The following PTPRR variants were observed in gnomAD, a reference collection of about 807,000 sequenced individuals.
PTPRR encodes protein tyrosine phosphatase receptor type R, also known as receptor-type tyrosine-protein phosphatase R.
A neutral mutation model predicts 77.2 loss-of-function variants in PTPRR; 38 were observed. The observed-to-expected ratio is 0.49, with a 90% CI of 0.38 to 0.65. The LOEUF is 0.65. Among genes scored for constraint, PTPRR ranks in the 30% least tolerant of loss-of-function variants. The probability of loss-of-function intolerance (pLI) is 0.00; values close to 1 mark genes in which losing one functional copy is unlikely to be tolerated. For missense variants in PTPRR, 744 were observed against 799.2 expected (o/e 0.93, Z 0.83); for synonymous variants, 299 against 283.1 (o/e 1.06, Z -0.57).
intron 1 of PTPRR, among the ~76,000 whole-genome samples, chr12:70,895,024 T>C (rs1168427750): frequency 2.0e-5 from 3 of 151,702 alleles, no homozygotes; most frequent in Non-Finnish European, 3.0e-5. Context: ...CATACTATTA[T>C]ATCGTGGAAT....
At chr12:70,722,836 A>G (rs1889307211) in intron 6 of PTPRR, among the ~76,000 whole-genome samples, 1 of 152,298 alleles carries the variant, frequency 6.6e-6, no homozygotes, top group African/African-American at 2.4e-5. Flanking sequence ...CGCCGTCATA[A>G]AGAAGGTGAG....
chr12:70,790,060 C>G (rs1445535672), intron 2 of PTPRR, among the ~76,000 whole-genome samples: 1 of 152,078 alleles, frequency 6.6e-6, no homozygotes, highest in South Asian at 2.1e-4. Context: ...CTCATTCCTG[C>G]ATCATTAGTT....
At chr12:70,767,155 C>T (rs1329013164) in intron 2 of PTPRR, among the ~76,000 whole-genome samples, 2 of 151,610 alleles carry the variant, frequency 1.3e-5, no homozygotes, top group East Asian at 1.9e-4. Context: ...ATCAAATTCA[C>T]ACATAACAAT....
At chr12:70,877,345 C>T (rs914584862) in intron 2 of PTPRR, among the ~76,000 whole-genome samples, 1 of 152,148 alleles carries the variant, frequency 6.6e-6, no homozygotes, top group South Asian at 2.1e-4. Context: ...AGAATGAAAA[C>T]CCTGTCAATT....
intron 13 of PTPRR, among the ~76,000 whole-genome samples, chr12:70,646,498 T>C (rs544191123): frequency 1.6e-4 from 25 of 152,304 alleles, no homozygotes; most frequent in Middle Eastern, 3.4e-3. Context: ...CGTTTTCCTC[T>C]GAACACTCAA....
Position 70,892,747 on chromosome 12 carries a change from G to C in PTPRR, c.289C>G (p.Leu97Val). Reference protein sequence around the residue: ...RPAYDPSLNLLAMDGQDLEVE... With the variant: ...RPAYDPSLNLVAMDGQDLEVE... ...TCAAGATCTTGACCATCCATGGCCAGCAGATTGAGAGACGGGTCATATGCG... is the reference window on the plus strand; with the variant it reads ...TCAAGATCTTGACCATCCATGGCCACCAGATTGAGAGACGGGTCATATGCG... Residue 97 changes from leucine to valine, a missense_variant, in exon 2 of 14, where the codon CTG (leucine) becomes GTG (valine). Leu to Val is a conservative substitution (Grantham distance 32, BLOSUM62 1). This residue lies in a region of PTPRR where 570 missense variants were observed against 573.2 expected (regional missense o/e 0.99). Transcript: ENST00000283228. The C allele has an allele frequency of 6.2e-7, 1 of 1,613,414 alleles. No homozygotes were observed.
chr12:70,832,408 T>C (rs1055366906), intron 2 of PTPRR, among the ~76,000 whole-genome samples: 7 of 152,166 alleles, frequency 4.6e-5, no homozygotes, highest in Non-Finnish European at 8.8e-5. Context: ...GCTATCTTAA[T>C]TTTAAAATAT....
intron 2 of PTPRR, among the ~76,000 whole-genome samples, chr12:70,860,105 T>C (rs1048938808): frequency 6.6e-6 from 1 of 152,062 alleles, no homozygotes; most frequent in Non-Finnish European, 1.5e-5. Flanking sequence ...TGGGATACTT[T>C]CTGGCAAAAG....
At chr12:70,866,682 T>G (rs1470665222) in intron 2 of PTPRR, among the ~76,000 whole-genome samples, 1 of 152,218 alleles carries the variant, frequency 6.6e-6, no homozygotes, top group East Asian at 1.9e-4. Context: ...ACTCATTTTA[T>G]GAGGCCAGCA....
At chr12:70,877,654 G>A (rs1893074349) in intron 2 of PTPRR, among the ~76,000 whole-genome samples, 1 of 152,132 alleles carries the variant, frequency 6.6e-6, no homozygotes, top group Non-Finnish European at 1.5e-5. Context: ...AATCAATATG[G>A]TGAAAATGGC....
In PTPRR at chr12:70,894,524, G is replaced by C. The variant is rs1893392265; in HGVS notation, c.59-1547C>G. 2.0e-5 allele frequency among the ~76,000 whole-genome samples: 3 copies of C among 151,750 alleles called. No homozygotes were observed. In the South Asian group the frequency reaches 6.2e-4, roughly 31 times the overall value. The stretch of plus-strand genomic sequence containing the variant: ...TGTAGTGATATCAGATAGTTTTTCA[G>C]AGGGAAAGAAGAAAATTACTCTCCT... On this transcript the variant is annotated intron_variant, in intron 1 of 13. Transcript: ENST00000283228.
chr12:70,881,399 C>A (rs1327964382), intron 2 of PTPRR, among the ~76,000 whole-genome samples: 1 of 152,144 alleles, frequency 6.6e-6, no homozygotes, highest in Non-Finnish European at 1.5e-5. Flanking sequence ...ACCTGGCTAT[C>A]ATTTTCAGAG....
At chr12:70,734,428 G>A (rs1338009299) in intron 6 of PTPRR, among the ~76,000 whole-genome samples, 1 of 152,188 alleles carries the variant, frequency 6.6e-6, no homozygotes, top group Non-Finnish European at 1.5e-5. Context: ...CCCATGGTAT[G>A]AGTGCAAATG....
chr12:70,684,781 G>C lies in PTPRR; in HGVS notation c.1282C>G (p.Pro428Ala). ...GGTCTTAAACACACTCTGCTGAGGG[G>C]ATCTAATGAAGAAAACAAAAAAGAA... ...KNRYKTILPN[P>A]LSRVCLRPKN... is the part of the protein sequence containing the mutation. The change falls in exon 9 of 14, where the codon CCC (proline) becomes GCC (alanine). Residue 428 changes from proline (P) to alanine (A), a missense_variant and splice_region_variant. Physicochemically the swap from Pro to Ala is conservative, Grantham distance 27. This residue lies in a region of PTPRR where 570 missense variants were observed against 573.2 expected (regional missense o/e 0.99). Coordinates refer to ENST00000283228, the MANE Select transcript of PTPRR (RefSeq NM_002849.4). The C allele has an allele frequency of 6.3e-7, 1 of 1,592,916 alleles. No homozygotes were observed. The highest frequency in any genetic ancestry group is 8.6e-7 in the Non-Finnish European group (1 of 1,168,800).
At chr12:70,694,678 G>A (rs1888168752) in intron 8 of PTPRR, among the ~76,000 whole-genome samples, 1 of 151,904 alleles carries the variant, frequency 6.6e-6, no homozygotes, top group Non-Finnish European at 1.5e-5. Flanking sequence ...AAGGGAGAAG[G>A]GCTGAAAATC....
intron 10 of PTPRR, among the ~76,000 whole-genome samples, chr12:70,664,111 C>A (rs1374223864): frequency 6.6e-6 from 1 of 152,200 alleles, no homozygotes; most frequent in Non-Finnish European, 1.5e-5. Flanking sequence ...TTTACATCCT[C>A]TACATTTTGA....
Position 70,714,233 on chromosome 12 carries a change from T to C in PTPRR, c.1008-12910A>G, listed in dbSNP as rs114602624. ...ATCTATTAATTCAAAGAAAACAATA[T>C]CTTGTTTTAATTATTAAAATGTTAA... On this transcript the variant is annotated intron_variant, in intron 6 of 13. Transcript: ENST00000283228. Among the ~76,000 whole-genome samples the C allele has an allele frequency of 9.6e-3, 1,456 of 152,200 alleles. 19 individuals are homozygous for C. The highest frequency in any genetic ancestry group is 0.033 in the African/African-American group (1,369 of 41,532).
At chr12:70,888,266 A>C (rs757006789) in intron 2 of PTPRR, among the ~76,000 whole-genome samples, 18 of 149,660 alleles carry the variant, frequency 1.2e-4, no homozygotes, top group Non-Finnish European at 2.6e-4. Context: ...TATGCTTAGC[A>C]AAAAATAATT....
chr12:70,689,364 G>A (rs995626113), intron 8 of PTPRR, among the ~76,000 whole-genome samples: 2 of 151,770 alleles, frequency 1.3e-5, no homozygotes, highest in African/African-American at 4.8e-5. Flanking sequence ...AATAATATAA[G>A]CTTTAGCTCC....
Sources: gnomAD v4.1 joint callset for allele counts (sites outside exome capture counted in the v4.1 genomes callset) on GRCh38, gnomAD v4.1.1 for gene constraint, gnomAD v4.1.1 regional missense constraint, MANE v1.5 for transcripts, NCBI Gene and HGNC (gene_info 2026-07-23, HGNC 2026-07-21) for gene names.